ESR1: variants seen among roughly 807,000 people sequenced by gnomAD.
The protein encoded by ESR1 is estrogen receptor.
ESR1 carries 12 observed loss-of-function variants against 52.7 expected under a neutral mutation model. The ratio of observed to expected loss-of-function variants is 0.23; its 90% CI spans 0.15 to 0.37. The LOEUF is 0.37. Among genes scored for constraint, ESR1 ranks in the 10% least tolerant of loss-of-function variants. The pLI is 1.00. For missense variants in ESR1, 584 were observed against 779.7 expected (o/e 0.75, Z 2.99); for synonymous variants, 305 against 316.8 (o/e 0.96, Z 0.39).
At chr6:151,759,340 C>T (rs948677333) in intron 2 of ESR1, among the ~76,000 whole-genome samples, 6 of 148,156 alleles carry the variant, frequency 4.0e-5, no homozygotes, top group African/African-American at 1.2e-4. Context: ...TTACATAGGA[C>T]AATATGGTCC....
intron 1 of ESR1, among the ~76,000 whole-genome samples, chr6:151,842,093 A>G (rs866189760): frequency 1.3e-5 from 2 of 152,186 alleles, no homozygotes; most frequent in Non-Finnish European, 2.9e-5. Context: ...AGTTATAAAA[A>G]CTGATATCCA....
chr6:151,891,144 T>C (rs1305139098), intron 3 of ESR1, among the ~76,000 whole-genome samples: 1 of 152,206 alleles, frequency 6.6e-6, no homozygotes, highest in Non-Finnish European at 1.5e-5. Flanking sequence ...CTTTGATTAA[T>C]TTTTTAATAC....
rs958492511 is a variant in ESR1, at chr6:151,872,137, T to A, written c.644-8518T>A. On this transcript the variant is annotated intron_variant, in intron 2 of 7. Coordinates refer to ENST00000206249, the MANE Select transcript of ESR1 (RefSeq NM_000125.4). ...TGGAAGTGGAATTGCTTTCCACTTG[T>A]TGGAAGTGGAACATGGTCTCCCACT... 2.6e-5 allele frequency among the ~76,000 whole-genome samples: 4 copies of A among 152,366 alleles called. No individual in the cohort carries two copies. In the East Asian group the frequency reaches 7.7e-4, roughly 29 times the overall value.
intron 2 of ESR1, among the ~76,000 whole-genome samples, chr6:151,788,286 G>A (rs1787209313): frequency 6.6e-6 from 1 of 152,092 alleles, no homozygotes; most frequent in African/African-American, 2.4e-5. Flanking sequence ...TTAAAAAGCA[G>A]GCAAAGGGCA....
intron 1 of ESR1, among the ~76,000 whole-genome samples, chr6:151,830,051 T>C (rs955652624): frequency 1.3e-5 from 2 of 152,234 alleles, no homozygotes; most frequent in African/African-American, 4.8e-5. Context: ...ATCTTTTGAA[T>C]AGGATCATAA....
At chr6:151,736,373 G>GTGTTTTTTTGTTTTTTTT (rs1191856388) in intron 2 of ESR1, among the ~76,000 whole-genome samples, 3 of 60,274 alleles carry the variant, frequency 5.0e-5, no homozygotes, top group African/African-American at 1.4e-4. Context: ...ATTCCAGGTA[G>GTGTTTTTTTGTTTTTTTT]TGTTTTTTTT....
At chr6:151,974,743 T>A (rs1197490865) in intron 4 of ESR1, among the ~76,000 whole-genome samples, 1 of 152,232 alleles carries the variant, frequency 6.6e-6, no homozygotes, top group African/African-American at 2.4e-5. Context: ...CTTTTTTTCC[T>A]ATGTGAAATA....
At chr6:151,902,954 C>T (rs563340946) in intron 3 of ESR1, among the ~76,000 whole-genome samples, 1 of 152,106 alleles carries the variant, frequency 6.6e-6, no homozygotes, top group Non-Finnish European at 1.5e-5. Flanking sequence ...AGTACCTTGC[C>T]CTGAGGAACC....
upstream of ESR1, among the ~76,000 whole-genome samples, chr6:151,803,289 G>C (rs1416135900): frequency 6.6e-6 from 1 of 152,150 alleles, no homozygotes; most frequent in Admixed American, 6.5e-5. Flanking sequence ...ATTCAGAGGA[G>C]AGGAAATTTT....
At chr6:152,122,297 A>C in intron 6 of ESR1, 1 of 1,354,584 alleles carries the variant, frequency 7.4e-7, no homozygotes, top group Admixed American at 1.7e-5. Context: ...ATTTGCACAC[A>C]TGTGATCTGG....
Position 152,053,706 on chromosome 6 carries a change from AGT to A in ESR1, c.1236-7283_1236-7282del, listed in dbSNP as rs572602223. ...TGAGCTCACTTGCTTTCCCAGTTTC[AGT>A]GATTTCTATTCAGATATCTCCAAAA... On this transcript the variant is annotated intron_variant, in intron 5 of 7. Transcript: ENST00000206249. The surrounding 1 kb of genome is among the most constrained non-coding windows in gnomAD (Gnocchi z 4.1). Among the ~76,000 whole-genome samples the A allele has an allele frequency of 8.0e-5, 12 of 150,430 alleles. No homozygotes were observed. The East Asian group carries it at 2.3e-3, about 29-fold the overall frequency.
chr6:152,117,803 C>A (rs1160096056), intron 6 of ESR1, among the ~76,000 whole-genome samples: 5 of 152,172 alleles, frequency 3.3e-5, no homozygotes, highest in African/African-American at 1.2e-4. Context: ...CCAGTGGATT[C>A]TTGGTGCATA....
downstream of ESR1, among the ~76,000 whole-genome samples, chr6:152,104,413 C>G (rs1199380617): frequency 6.6e-6 from 1 of 152,180 alleles, no homozygotes; most frequent in Non-Finnish European, 1.5e-5. Flanking sequence ...TAGTACCACA[C>G]ATAGTCAGCA....
intron 4 of ESR1, among the ~76,000 whole-genome samples, chr6:151,962,544 C>A (rs891085504): frequency 1.4e-4 from 22 of 152,158 alleles, no homozygotes; most frequent in African/African-American, 5.3e-4. Context: ...AACTAAATAG[C>A]GATAGAGTTT....
At chr6:151,792,766 A>C (rs1237643994) in intron 2 of ESR1, among the ~76,000 whole-genome samples, 1 of 152,164 alleles carries the variant, frequency 6.6e-6, no homozygotes, top group Admixed American at 6.5e-5. Context: ...AATCTTCTTG[A>C]CTGTTTTATA....
At chr6:151,659,337 G>GAT (rs1777560391) in intron 1 of ESR1, among the ~76,000 whole-genome samples, 1 of 152,184 alleles carries the variant, frequency 6.6e-6, no homozygotes, top group Non-Finnish European at 1.5e-5. Flanking sequence ...TTGACCATTA[G>GAT]AGGAGATGAC....
chr6:151,711,346 C>A (rs1381671642), intron 2 of ESR1, among the ~76,000 whole-genome samples: 1 of 152,066 alleles, frequency 6.6e-6, no homozygotes, highest in African/African-American at 2.4e-5. Flanking sequence ...TTCAGCCTCC[C>A]AAGTAGCTGG....
intron 3 of ESR1, among the ~76,000 whole-genome samples, chr6:151,934,116 G>T (rs1584320339): frequency 6.6e-6 from 1 of 152,240 alleles, no homozygotes; most frequent in East Asian, 1.9e-4. Context: ...TGTTCAGGCT[G>T]CTGTGACCTC....
At chr6:151,989,545 G>A (rs2040821929) in intron 4 of ESR1, among the ~76,000 whole-genome samples, 1 of 152,046 alleles carries the variant, frequency 6.6e-6, no homozygotes, top group Non-Finnish European at 1.5e-5. Flanking sequence ...GAAAGGAAAT[G>A]TAGTAATAAA....
Sources: gnomAD v4.1 joint callset for allele counts (sites outside exome capture counted in the v4.1 genomes callset) on GRCh38, gnomAD v4.1.1 for gene constraint, Gnocchi (gnomAD v3.1) non-coding constraint, MANE v1.5 for transcripts, NCBI Gene and HGNC (gene_info 2026-07-23, HGNC 2026-07-21) for gene names.